The following GBE1 variants were observed in gnomAD, a reference collection of about 807,000 sequenced individuals.
The protein encoded by GBE1 is 1,4-alpha-glucan-branching enzyme.
GBE1 carries 70 observed loss-of-function variants against 88.8 expected under a neutral mutation model. The ratio of observed to expected loss-of-function variants is 0.79; its 90% CI spans 0.65 to 0.96. GBE1 has a LOEUF of 0.96. GBE1 is among the 40% of genes least tolerant of loss of function. The pLI, the probability that GBE1 is intolerant of heterozygous loss-of-function variation, is 0.00. For missense variants in GBE1, 872 were observed against 871.0 expected, an observed-to-expected ratio of 1.00 and a Z score of -0.01; for synonymous variants, 284 against 300.1, an observed-to-expected ratio of 0.95 and a Z score of 0.56.
intron 1 of GBE1, among the ~76,000 whole-genome samples, chr3:81,734,890 G>T (rs935723701): frequency 3.3e-5 from 5 of 152,150 alleles, no homozygotes; most frequent in South Asian, 2.1e-4. Flanking sequence ...AATTCCAGAA[G>T]TAAACATTCA....
chr3:81,550,089 G>T (rs1218147938), intron 12 of GBE1, among the ~76,000 whole-genome samples: 1 of 151,396 alleles, frequency 6.6e-6, no homozygotes, highest in Non-Finnish European at 1.5e-5. Context: ...CCCCATAACA[G>T]CTTGGTTCCA....
chr3:81,750,586 TAC>T lies in GBE1; in HGVS notation c.143+10787_143+10788del, dbSNP rs1422233435. On this transcript the variant is annotated intron_variant, in intron 1 of 15. Transcript: ENST00000429644. ...ATGTATATATATATACGTATATATA[TAC>T]GTATATATATATGTGTATATATATA... Among the ~76,000 whole-genome samples the T allele has an allele frequency of 8.2e-3, 444 of 53,948 alleles. 44 individuals carry two copies. Among genetic ancestry groups the T allele is most frequent in the African/African-American group, 0.034 (362 of 10,698 alleles). The allele number at this position is 53,948 out of a possible 152,430, so 35.4% of individuals were successfully genotyped here.
intron 1 of GBE1, among the ~76,000 whole-genome samples, chr3:81,706,625 G>C (rs1376272735): frequency 6.6e-6 from 1 of 152,072 alleles, no homozygotes; most frequent in Admixed American, 6.6e-5. Context: ...ATCGAGGCAC[G>C]GGATGTCCAG....
intron 4 of GBE1, 115 bp downstream of exon 4, chr3:81,649,681 A>G (rs1331422849): frequency 2.6e-6 from 2 of 755,320 alleles, no homozygotes; most frequent in Non-Finnish European, 4.2e-6. Context: ...GATGTAAAAT[A>G]CGCAACTGTC....
intron 7 of GBE1, among the ~76,000 whole-genome samples, chr3:81,634,444 A>T (rs905120378): frequency 2.6e-5 from 4 of 152,214 alleles, no homozygotes; most frequent in South Asian, 4.1e-4. Context: ...AGTATACATG[A>T]TTATTGCTAT....
Position 81,761,440 on chromosome 3 carries a change from G to C in GBE1, c.78C>G (p.Pro26=), listed in dbSNP as rs1575782131. 1 of 1,613,672 alleles carries C rather than the reference G, an allele frequency of 6.2e-7. No homozygotes were observed. The highest frequency in any genetic ancestry group is 8.5e-7 in the Non-Finnish European group (1 of 1,179,700). The change falls in exon 1 of 16, where the codon CCC becomes CCG. Residue 26 remains proline, a synonymous_variant. Coordinates refer to ENST00000429644, the MANE Select transcript of GBE1 (RefSeq NM_000158.4). ...CGATCTCCAGGAGTCTGGCCAGTTC[G>C]GGCACGTCAGCCAGGGCGGCATTGA... ...AALNAALADV[P]ELARLLEIDP...
At chr3:81,676,132 T>C (rs564537965) in intron 2 of GBE1, among the ~76,000 whole-genome samples, 1 of 152,258 alleles carries the variant, frequency 6.6e-6, no homozygotes, top group Admixed American at 6.5e-5. Flanking sequence ...ATCAACTGTA[T>C]GTTATTGGTA....
intron 14 of GBE1, among the ~76,000 whole-genome samples, chr3:81,511,202 A>G (rs1004913914): frequency 5.3e-5 from 8 of 151,988 alleles, no homozygotes; most frequent in African/African-American, 1.9e-4. Context: ...ATTTAAATGT[A>G]AGAACTCAAA....
intron 9 of GBE1, among the ~76,000 whole-genome samples, chr3:81,589,079 C>T (rs1292310169): frequency 6.6e-6 from 1 of 151,986 alleles, no homozygotes; most frequent in Non-Finnish European, 1.5e-5. Flanking sequence ...TAAACATACT[C>T]TAAATATAAA....
chr3:81,499,165 C>G lies in GBE1; in HGVS notation c.1997G>C (p.Ser666Thr). 6.2e-7 allele frequency: 1 copy of G among 1,612,212 alleles called. No homozygotes were observed. The highest frequency in any genetic ancestry group is 8.5e-7 in the Non-Finnish European group (1 of 1,179,016). Residue 666 changes from serine (S) to threonine (T), a missense_variant, in exon 15 of 16, where the codon AGC (serine) becomes ACC (threonine). Transcript: ENST00000429644. ...EYGGHQRLDH[S>T]TDFFSEAFEH... ...AAAAGCCTCAGAAAAAAAGTCAGTG[C>G]TGTGGTCCAGTCTCTGATGCCCTCC...
chr3:81,591,185 AC>A (rs1199079819), intron 8 of GBE1, 21 bp from the exon 9 acceptor site: 4 of 1,571,778 alleles, frequency 2.5e-6, no homozygotes, highest in Admixed American at 3.6e-5. Flanking sequence ...GAAAATCAAT[AC>A]GGATATATTA....
At chr3:81,555,700 C>T (rs1399273889) in intron 12 of GBE1, among the ~76,000 whole-genome samples, 4 of 152,112 alleles carry the variant, frequency 2.6e-5, no homozygotes, top group South Asian at 2.1e-4. Context: ...GCCTTCTGTC[C>T]AGTTAGTTCT....
intron 14 of GBE1, among the ~76,000 whole-genome samples, chr3:81,512,467 G>T (rs907838395): frequency 2.0e-5 from 3 of 151,734 alleles, no homozygotes; most frequent in Admixed American, 6.6e-5. Flanking sequence ...AACCAGGATG[G>T]TATTACCCTG....
intron 12 of GBE1, among the ~76,000 whole-genome samples, chr3:81,562,505 A>C (rs1231338577): frequency 6.6e-6 from 1 of 152,076 alleles, no homozygotes; most frequent in Non-Finnish European, 1.5e-5. Flanking sequence ...TAAATCTGAA[A>C]GCCACTTAAC....
intron 3 of GBE1, among the ~76,000 whole-genome samples, chr3:81,668,612 G>C (rs550673398): frequency 1.3e-5 from 2 of 152,178 alleles, no homozygotes; most frequent in Non-Finnish European, 2.9e-5. Context: ...TCGATGAGCT[G>C]TTTATTCTTA....
At chr3:81,609,639 A>G (rs1334154157) in intron 7 of GBE1, among the ~76,000 whole-genome samples, 1 of 152,088 alleles carries the variant, frequency 6.6e-6, no homozygotes, top group African/African-American at 2.4e-5. Flanking sequence ...AGTGAAGTTA[A>G]TAAAGCTTTG....
intron 7 of GBE1, among the ~76,000 whole-genome samples, chr3:81,623,194 C>G (rs1704356100): frequency 1.3e-5 from 2 of 152,196 alleles, no homozygotes; most frequent in Non-Finnish European, 2.9e-5. Context: ...TCTCTGGAGT[C>G]TCCTGAAATT....
intron 3 of GBE1, among the ~76,000 whole-genome samples, chr3:81,653,409 CAA>C (rs1195954176): frequency 2.0e-5 from 3 of 151,780 alleles, no homozygotes; most frequent in Admixed American, 1.3e-4. Flanking sequence ...CAGCTTGAGC[CAA>C]AGAGTTCAAG....
intron 14 of GBE1, among the ~76,000 whole-genome samples, chr3:81,520,301 C>A (rs1392056242): frequency 1.3e-5 from 2 of 151,534 alleles, no homozygotes; most frequent in African/African-American, 2.4e-5. Context: ...GTCTCCGCAT[C>A]ACATTTTGGT....
Sources: allele counts gnomAD v4.1 joint callset (sites outside exome capture counted in the v4.1 genomes callset), GRCh38; gene constraint gnomAD v4.1.1; transcripts MANE v1.5; gene names NCBI Gene and HGNC (gene_info 2026-07-23, HGNC 2026-07-21).